The following ST6GALNAC3 variants were observed in gnomAD, a reference collection of about 807,000 sequenced individuals.
The protein encoded by ST6GALNAC3 is alpha-N-acetylgalactosaminide alpha-2,6-sialyltransferase 3.
ST6GALNAC3 carries 25 observed loss-of-function variants against 32.7 expected under a neutral mutation model. The ratio of observed to expected loss-of-function variants is 0.76; its 90% confidence interval spans 0.56 to 1.07. The LOEUF is 1.07. Among genes scored for constraint, ST6GALNAC3 ranks in the 50% least tolerant of loss-of-function variants. ST6GALNAC3 has a pLI of 0.00. For synonymous variants in ST6GALNAC3, 129 were observed against 133.1 expected, an observed-to-expected ratio of 0.97 and a Z score of 0.21; for missense variants, 355 against 382.4, an observed-to-expected ratio of 0.93 and a Z score of 0.60.
chr1:76,602,687 C>CTAATTTATTTTTAATTTTAT (rs1647290568), intron 3 of ST6GALNAC3, among the ~76,000 whole-genome samples: 1 of 151,878 alleles, frequency 6.6e-6, no homozygotes, highest in African/African-American at 2.4e-5. Context: ...ATTACTTTTA[C>CTAATTTATTTTTAATTTTAT]TAATTTATTT....
At chr1:76,184,575 C>CA (rs376902710) in intron 1 of ST6GALNAC3, among the ~76,000 whole-genome samples, 56 of 146,362 alleles carry the variant, frequency 3.8e-4, no homozygotes, top group African/African-American at 1.3e-3. Context: ...AACATATGGG[C>CA]AATCCAGGGG....
At chr1:76,194,620 G>A (rs1190269716) in intron 1 of ST6GALNAC3, among the ~76,000 whole-genome samples, 4 of 152,092 alleles carry the variant, frequency 2.6e-5, no homozygotes, top group African/African-American at 7.2e-5. Flanking sequence ...CTTAAGAGAA[G>A]ACATAGATAT....
At chr1:76,080,309 T>G (rs946017593) in intron 1 of ST6GALNAC3, among the ~76,000 whole-genome samples, 3 of 152,184 alleles carry the variant, frequency 2.0e-5, no homozygotes, top group African/African-American at 7.2e-5. Flanking sequence ...TTTTTTTATG[T>G]CAGTTATAGA....
chr1:76,577,721 C>G (rs1403045421), intron 3 of ST6GALNAC3, among the ~76,000 whole-genome samples: 1 of 152,006 alleles, frequency 6.6e-6, no homozygotes, highest in Non-Finnish European at 1.5e-5. Context: ...GCAAGCCCAC[C>G]TCTGTGTAAT....
chr1:76,300,262 T>C (rs1288504215), intron 1 of ST6GALNAC3, among the ~76,000 whole-genome samples: 1 of 152,086 alleles, frequency 6.6e-6, no homozygotes, highest in African/African-American at 2.4e-5. Context: ...GTTTCAATTA[T>C]GTAGACAGTG....
At chr1:76,213,971 A>G (rs189202941) in intron 1 of ST6GALNAC3, among the ~76,000 whole-genome samples, 48 of 152,344 alleles carry the variant, frequency 3.2e-4, no homozygotes, top group African/African-American at 1.1e-3. Flanking sequence ...GCATCTCAGA[A>G]TGTTTTTGGA....
At chr1:76,381,647 A>G (rs1651722024) in intron 2 of ST6GALNAC3, among the ~76,000 whole-genome samples, 2 of 152,164 alleles carry the variant, frequency 1.3e-5, no homozygotes, top group South Asian at 4.1e-4. Flanking sequence ...AAAGAAGGAA[A>G]TGCATTGAGG....
intron 1 of ST6GALNAC3, among the ~76,000 whole-genome samples, chr1:76,253,389 G>A (rs892740234): frequency 1.3e-5 from 2 of 152,108 alleles, no homozygotes; most frequent in Non-Finnish European, 2.9e-5. Context: ...TTTGCATGAA[G>A]ATGGAGGCGC....
Position 76,074,810 on chromosome 1 carries a change from A to G in ST6GALNAC3, c.-57A>G. 6.4e-7 allele frequency: 1 copy of G among 1,554,764 alleles called. No homozygotes were observed. The highest frequency in any genetic ancestry group is 8.7e-7 in the Non-Finnish European group (1 of 1,149,658). On this transcript the variant is annotated 5_prime_UTR_variant, in exon 1 of 5. Transcript: ENST00000328299. ...TACCAGCCTCCAGCCTGCCCCCAGG[A>G]CTGCCCCTGACCCAGGCGCGCCCGC...
chr1:76,202,268 ATGTGTGTGTGTGTGTGTGTGTG>A (rs58107501), intron 1 of ST6GALNAC3, among the ~76,000 whole-genome samples: 1 of 145,330 alleles, frequency 6.9e-6, no homozygotes, highest in Admixed American at 6.9e-5. Flanking sequence ...GTGTGCATGC[ATGTGTGTGTGTGTGTGTGTGTG>A]TGTGTGTGTG....
intron 1 of ST6GALNAC3, among the ~76,000 whole-genome samples, chr1:76,214,942 C>G (rs1655373014): frequency 6.6e-6 from 1 of 152,172 alleles, no homozygotes; most frequent in African/African-American, 2.4e-5. Flanking sequence ...GCAGCCATTT[C>G]ACTTTTCTGA....
chr1:76,337,269 C>T (rs1177309095), intron 2 of ST6GALNAC3, among the ~76,000 whole-genome samples: 1 of 152,236 alleles, frequency 6.6e-6, no homozygotes, highest in Non-Finnish European at 1.5e-5. Context: ...TGGATGCTTG[C>T]CCAGGCTCTG....
At chr1:76,333,678 T>C (rs908099938) in intron 2 of ST6GALNAC3, among the ~76,000 whole-genome samples, 18 of 152,188 alleles carry the variant, frequency 1.2e-4, no homozygotes. Flanking sequence ...CATATTTCCT[T>C]TCACTTCTTT....
chr1:76,256,219 A>T (rs1006320912), intron 1 of ST6GALNAC3, among the ~76,000 whole-genome samples: 6 of 152,206 alleles, frequency 3.9e-5, no homozygotes, highest in African/African-American at 1.4e-4. Flanking sequence ...ATAATTTAAG[A>T]AGAAAAGAAA....
At chr1:76,522,422 T>C (rs1010305965) in intron 3 of ST6GALNAC3, among the ~76,000 whole-genome samples, 1 of 152,140 alleles carries the variant, frequency 6.6e-6, no homozygotes, top group African/African-American at 2.4e-5. Context: ...ACAAGTTACA[T>C]ATATGTGATG....
chr1:76,242,159 T>C (rs1412453577), intron 1 of ST6GALNAC3, among the ~76,000 whole-genome samples: 1 of 152,228 alleles, frequency 6.6e-6, no homozygotes, highest in African/African-American at 2.4e-5. Flanking sequence ...ACAGGCTATA[T>C]GGCTTTGGAT....
intron 1 of ST6GALNAC3, among the ~76,000 whole-genome samples, chr1:76,254,771 C>G (rs745434166): frequency 2.6e-4 from 39 of 152,008 alleles, no homozygotes; most frequent in South Asian, 4.1e-4. Flanking sequence ...GCTTACAGAT[C>G]TAATTGGCTT....
intron 1 of ST6GALNAC3, among the ~76,000 whole-genome samples, chr1:76,096,336 C>T (rs768250479): frequency 9.9e-5 from 15 of 152,064 alleles, no homozygotes; most frequent in Admixed American, 2.6e-4. Flanking sequence ...ATCCTGGTGC[C>T]GGGACTGTTA....
intron 3 of ST6GALNAC3, among the ~76,000 whole-genome samples, chr1:76,444,690 T>C (rs905811913): frequency 6.6e-5 from 10 of 152,148 alleles, no homozygotes; most frequent in Admixed American, 4.6e-4. Flanking sequence ...CCACTTTCCA[T>C]AGTTGCTTCT....
Sources: allele counts gnomAD v4.1 joint callset (sites outside exome capture counted in the v4.1 genomes callset), GRCh38; gene constraint gnomAD v4.1.1; transcripts MANE v1.5; gene names NCBI Gene and HGNC (gene_info 2026-07-23, HGNC 2026-07-21).